The following GSG1L variants were observed in gnomAD, a reference collection of about 807,000 sequenced individuals.
GSG1L encodes GSG1 like, also known as germ cell-specific gene 1-like protein.
A neutral mutation model predicts 42.1 loss-of-function variants in GSG1L; 24 were observed. That is an observed-to-expected ratio of 0.57 (90% CI 0.41 to 0.80). The LOEUF (loss-of-function observed/expected upper bound fraction) is 0.80. Ranked by LOEUF, GSG1L falls within the 30% of genes least tolerant of loss-of-function variation. GSG1L has a pLI of 0.00. For synonymous variants in GSG1L, 215 were observed against 203.5 expected (o/e 1.06, Z -0.48); for missense variants, 445 against 472.2 (o/e 0.94, Z 0.53).
At chr16:27,944,886 G>A (rs906000439) in intron 2 of GSG1L, among the ~76,000 whole-genome samples, 3 of 151,888 alleles carry the variant, frequency 2.0e-5, no homozygotes, top group Admixed American at 2.0e-4. Context: ...ACCGACCTGG[G>A]CAACACAGTG....
chr16:27,943,185 G>A (rs2084820678), intron 2 of GSG1L, among the ~76,000 whole-genome samples: 2 of 152,004 alleles, frequency 1.3e-5, no homozygotes, highest in Non-Finnish European at 1.5e-5. Context: ...CTCCCAAAGT[G>A]CTGGGATTAC....
intron 3 of GSG1L, among the ~76,000 whole-genome samples, chr16:27,852,990 G>A (rs1308818124): frequency 6.6e-6 from 1 of 152,218 alleles, no homozygotes; most frequent in Non-Finnish European, 1.5e-5. Context: ...CCTGGCTCAG[G>A]AATGGCAAGG....
Position 27,859,313 on chromosome 16 carries a change from A to C in GSG1L, c.551-14252T>G, listed in dbSNP as rs546417306. On this transcript the variant is annotated intron_variant, in intron 3 of 6. Transcript: ENST00000447459. The stretch of plus-strand genomic sequence containing the variant: ...GTTCTGGGACAGGATCCGAGATTTG[A>C]AGCCTTCAAGATTGGGACCTAGGCC... Among the ~76,000 whole-genome samples, 8 of 152,304 alleles carry C rather than the reference A, an allele frequency of 5.3e-5. No individual in the cohort carries two copies. The South Asian group carries it at 1.7e-3, about 32-fold the overall frequency.
intron 1 of GSG1L, among the ~76,000 whole-genome samples, chr16:27,996,010 G>A (rs1361392417): frequency 2.6e-5 from 4 of 151,762 alleles, no homozygotes; most frequent in East Asian, 1.9e-4. Context: ...GACCAGCCTC[G>A]GCAACATAGT....
chr16:27,975,922 T>C (rs905384835), intron 1 of GSG1L, among the ~76,000 whole-genome samples: 1 of 152,194 alleles, frequency 6.6e-6, no homozygotes, highest in Non-Finnish European at 1.5e-5. Context: ...AAAGTGTACA[T>C]ATCAGTAATT....
chr16:27,870,249 G>T (rs994428999), intron 3 of GSG1L, among the ~76,000 whole-genome samples: 2 of 129,646 alleles, frequency 1.5e-5, no homozygotes, highest in African/African-American at 3.1e-5. Flanking sequence ...ATCTCTCTCT[G>T]TCTCTGTCTC....
chr16:27,916,486 CTTTTTT>C (rs35176989), intron 2 of GSG1L, among the ~76,000 whole-genome samples: 1 of 114,854 alleles, frequency 8.7e-6, no homozygotes. Flanking sequence ...ATTTTTAATC[CTTTTTT>C]TTTTTTTTTT....
chr16:27,931,345 G>C (rs549912838), intron 2 of GSG1L, among the ~76,000 whole-genome samples: 2 of 152,152 alleles, frequency 1.3e-5, no homozygotes, highest in Non-Finnish European at 2.9e-5. Flanking sequence ...TGCTCAAACG[G>C]CTGGCTTCAT....
chr16:28,043,574 G>A (rs1177263459), intron 1 of GSG1L, among the ~76,000 whole-genome samples: 1 of 152,128 alleles, frequency 6.6e-6, no homozygotes, highest in Non-Finnish European at 1.5e-5. Context: ...CTGGATGGAT[G>A]GTATGAAATA....
intron 4 of GSG1L, among the ~76,000 whole-genome samples, chr16:27,840,033 T>A (rs1029019252): frequency 6.8e-5 from 1 of 14,760 alleles, no homozygotes; most frequent in South Asian, 1.6e-3. Context: ...AACCTTAATC[T>A]TTTTTTTTTT....
chr16:27,818,041 G>A (rs2140954526), intron 5 of GSG1L, among the ~76,000 whole-genome samples: 1 of 152,318 alleles, frequency 6.6e-6, no homozygotes, highest in East Asian at 1.9e-4. Flanking sequence ...GGTCTAAGGT[G>A]GGGTCTGAGA....
intron 1 of GSG1L, among the ~76,000 whole-genome samples, chr16:28,053,972 C>G (rs958088632): frequency 6.6e-6 from 1 of 152,144 alleles, no homozygotes; most frequent in Admixed American, 6.5e-5. Flanking sequence ...CTGCCTTTCT[C>G]TCTGTTGGTC....
rs147065560 is a variant in GSG1L at position 27,806,479 on chromosome 16, G to A, written c.898+1008C>T. Among the ~76,000 whole-genome samples, 1,100 of 152,324 alleles carry A rather than the reference G, an allele frequency of 7.2e-3. 16 individuals are homozygous for A. Among genetic ancestry groups the A allele is most frequent in the African/African-American group, 0.025 (1,025 of 41,564 alleles). ...CCATGATATATTTACAAGGTACAGG[G>A]AAATTGGGCAGAGAGGAAAAGTGGG... On this transcript the variant is annotated intron_variant, in intron 6 of 6. Coordinates refer to ENST00000447459, the MANE Select transcript of GSG1L (RefSeq NM_001109763.2).
intron 2 of GSG1L, among the ~76,000 whole-genome samples, chr16:27,961,404 G>T (rs1386916633): frequency 2.0e-5 from 3 of 152,218 alleles, no homozygotes; most frequent in African/African-American, 7.2e-5. Context: ...GCACATCCCA[G>T]AGGGCTGCAC....
chr16:27,960,504 G>C (rs1346534895), intron 2 of GSG1L, among the ~76,000 whole-genome samples: 1 of 152,320 alleles, frequency 6.6e-6, no homozygotes, highest in Non-Finnish European at 1.5e-5. Context: ...CATAACATAG[G>C]GAAAGAGTAT....
chr16:27,961,418 C>CAGAAGGCTGCACATCG (rs1317442646), intron 2 of GSG1L, among the ~76,000 whole-genome samples: 3 of 152,068 alleles, frequency 2.0e-5, no homozygotes, highest in Non-Finnish European at 2.9e-5. Flanking sequence ...GCTGCACATC[C>CAGAAGGCTGCACATCG]CAGAAGGCTG....
intron 1 of GSG1L, among the ~76,000 whole-genome samples, chr16:28,038,645 C>G (rs1337794149): frequency 3.9e-5 from 6 of 152,304 alleles, no homozygotes; most frequent in African/African-American, 1.4e-4. Context: ...ATTACCGTAA[C>G]CTCAAGCATC....
chr16:27,794,513 AG>A (rs908888929), intron 6 of GSG1L, among the ~76,000 whole-genome samples: 1 of 151,502 alleles, frequency 6.6e-6, no homozygotes, highest in African/African-American at 2.4e-5. Context: ...TTGTACTTTT[AG>A]TAGAGACAGG....
At chr16:27,932,289 G>A (rs138869572) in intron 2 of GSG1L, among the ~76,000 whole-genome samples, 2,082 of 152,216 alleles carry the variant, frequency 0.014, 19 homozygotes, top group Non-Finnish European at 0.022. Context: ...CTGACCTCAA[G>A]TGATTCACCT....
Sources: allele counts gnomAD v4.1 joint callset (sites outside exome capture counted in the v4.1 genomes callset), GRCh38; gene constraint gnomAD v4.1.1; transcripts MANE v1.5; gene names NCBI Gene and HGNC (gene_info 2026-07-23, HGNC 2026-07-21).